Variants in MAX observed in about 807,000 individuals in gnomAD.
The protein encoded by MAX is protein max.
MAX carries 3 observed loss-of-function variants against 22.3 expected under a neutral mutation model. The observed-to-expected ratio is 0.13, with a 90% CI of 0.06 to 0.35. The LOEUF (loss-of-function observed/expected upper bound fraction) is 0.35. Ranked by LOEUF, MAX falls within the 10% of genes least tolerant of loss-of-function variation. MAX has a pLI of 1.00. For missense variants in MAX, 119 were observed against 209.4 expected (o/e 0.57, Z 2.66); for synonymous variants, 72 against 77.7 (o/e 0.93, Z 0.39).
rs141922849 is a variant in MAX at position 65,033,750 on chromosome 14, G to A, written c.172-27466C>T. ...CGGGCGCCTGTAGTCCCAGCTACTCGGGAAGCTGAGGCAGGAGAATGGAGT... is the reference window on the plus strand; with the variant it reads ...CGGGCGCCTGTAGTCCCAGCTACTCAGGAAGCTGAGGCAGGAGAATGGAGT... On this transcript the variant is annotated intron_variant, in intron 3 of 3. Coordinates refer to the MAX transcript ENST00000341653. Among the ~76,000 whole-genome samples the A allele has an allele frequency of 2.5e-3, 378 of 152,168 alleles. 2 individuals are homozygous for A. The highest frequency in any genetic ancestry group is 0.01 in the Middle Eastern group (3 of 294).
chr14:65,083,623 T>C (rs1289257140), intron 3 of MAX: 1 of 614,192 alleles, frequency 1.6e-6, no homozygotes. Context: ...TTAACTCTAC[T>C]GAACACTTTT....
chr14:65,052,318 A>G (rs1198337514), intron 3 of MAX, among the ~76,000 whole-genome samples: 2 of 152,196 alleles, frequency 1.3e-5, no homozygotes, highest in Non-Finnish European at 2.9e-5. Context: ...CATAGAACCA[A>G]AAAGACTGGA....
chr14:65,086,109 T>C (rs1226263047), intron 3 of MAX, among the ~76,000 whole-genome samples: 15 of 152,170 alleles, frequency 9.9e-5, no homozygotes, highest in African/African-American at 3.6e-4. Flanking sequence ...CTGCCATCCA[T>C]GTAAAACGTG....
rs947664128 is a variant in MAX, at chr14:65,059,062, A to ACTCATGCTGGAGTACAGTG, written c.171+34627_171+34645dup. ...TTCAGAGACATGATCTCACTCTGTC[A>ACTCATGCTGGAGTACAGTG]CTCATGCTGGAGTACAGTGCTGTGA... On this transcript the variant is annotated intron_variant, in intron 3 of 3. Coordinates refer to the MAX transcript ENST00000341653. Among the ~76,000 whole-genome samples, 6 of 152,010 alleles carry ACTCATGCTGGAGTACAGTG rather than the reference A, an allele frequency of 3.9e-5. No homozygotes were observed. In the East Asian group the frequency reaches 7.7e-4, roughly 20 times the overall value.
At chr14:65,024,897 G>A (rs1285574534) in intron 3 of MAX, among the ~76,000 whole-genome samples, 1 of 152,010 alleles carries the variant, frequency 6.6e-6, no homozygotes, top group East Asian at 1.9e-4. Context: ...GGAATTACAG[G>A]CACAAGCCAC....
Position 65,076,289 on chromosome 14 carries a change from A to G in MAX, c.*187T>C. ...GAATACATTAAAAAATATACAGTGG[A>G]AATGGGGAAGGAGAACGAGAGCTGT... On this transcript the variant is annotated 3_prime_UTR_variant, in exon 5 of 5. Transcript: ENST00000358664. The surrounding 1 kb of genome is among the most constrained non-coding windows in gnomAD (Gnocchi z 6.6). 1 of 1,457,016 alleles carries G rather than the reference A, an allele frequency of 6.9e-7. No homozygotes were observed. The highest frequency in any genetic ancestry group is 9.0e-7 in the Non-Finnish European group (1 of 1,110,890). 90.3% of individuals were successfully genotyped at this position (1,457,016 alleles called of 1,614,324 possible).
chr14:65,043,688 G>A (rs1407988836), intron 3 of MAX, among the ~76,000 whole-genome samples: 1 of 151,324 alleles, frequency 6.6e-6, no homozygotes, highest in Non-Finnish European at 1.5e-5. Context: ...CGGGCGCGGT[G>A]GCGGGCGCCT....
chr14:65,055,021 G>C (rs1407215391), intron 3 of MAX, among the ~76,000 whole-genome samples: 1 of 152,254 alleles, frequency 6.6e-6, no homozygotes, highest in East Asian at 1.9e-4. Context: ...AGTCCCAGCA[G>C]GCTCGTGATA....
Position 65,054,476 on chromosome 14 carries a change from G to GA in MAX, c.171+39231dup, listed in dbSNP as rs1299323324. 5 of 1,192,288 alleles carry GA rather than the reference G, an allele frequency of 4.2e-6. No homozygotes were observed. The highest frequency in any genetic ancestry group is 5.9e-6 in the Non-Finnish European group (5 of 840,848). The allele number at this position is 1,192,288 out of a possible 1,614,324, so 73.9% of individuals were successfully genotyped here. A position where few individuals can be genotyped will look rare whatever the true frequency, so the allele number is the denominator to read the frequency against. On this transcript the variant is annotated intron_variant, in intron 3 of 3. Coordinates refer to the MAX transcript ENST00000341653. This position sits in a 1 kb window ranked among gnomAD's most constrained non-coding sequence, Gnocchi z 4.4. ...TCTAGCCACATGGAGGATGGGGGGGGACGTGTGATTGCACCAGTGGTCTCT... is the reference window on the plus strand; with the variant it reads ...TCTAGCCACATGGAGGATGGGGGGGGAACGTGTGATTGCACCAGTGGTCTCT...
At chr14:65,019,077 G>T (rs555889432) in intron 3 of MAX, among the ~76,000 whole-genome samples, 1 of 152,320 alleles carries the variant, frequency 6.6e-6, no homozygotes, top group African/African-American at 2.4e-5. Context: ...GGAGGCTGAG[G>T]CAGGAGACTC....
chr14:65,069,882 G>A lies in MAX; in HGVS notation c.171+23826C>T, dbSNP rs759770779. ...CAAAGTCTCCTACAGCCTTGCTGCA[G>A]TAGGTATTCGCTGTGGACATGACAT... On this transcript the variant is annotated intron_variant, in intron 3 of 3. Coordinates refer to the MAX transcript ENST00000341653. The surrounding 1 kb of genome is among the most constrained non-coding windows in gnomAD (Gnocchi z 4.6). Among the ~76,000 whole-genome samples the A allele has an allele frequency of 6.6e-5, 10 of 152,246 alleles. No individual in the cohort carries two copies. The highest frequency in any genetic ancestry group is 2.0e-4 in the Admixed American group (3 of 15,284).
In MAX at chr14:65,014,379, T is replaced by G. The variant is rs554804276; in HGVS notation, c.172-8095A>C. Among the ~76,000 whole-genome samples the G allele has an allele frequency of 1.3e-5, 2 of 152,268 alleles. No homozygotes were observed. The highest frequency in any genetic ancestry group is 3.9e-4 in the East Asian group (2 of 5,190). Reference sequence around the variant, plus strand: ...TCTCTTCCACGTGCTCCCTCAAAACTCTGTTTTCGTCCATTACAGCATTTC... The same window carrying G: ...TCTCTTCCACGTGCTCCCTCAAAACGCTGTTTTCGTCCATTACAGCATTTC... On this transcript the variant is annotated intron_variant, in intron 3 of 3. Coordinates refer to the MAX transcript ENST00000341653. The surrounding 1 kb of genome is among the most constrained non-coding windows in gnomAD (Gnocchi z 5.1).
At chr14:65,090,220 A>C (rs2063464552) in intron 3 of MAX, 2 of 152,178 alleles carry the variant, frequency 1.3e-5, no homozygotes, top group African/African-American at 4.8e-5. Flanking sequence ...GACAATGACA[A>C]GATACAAGTA....
Position 65,054,434 on chromosome 14 carries a change from G to A in MAX, c.171+39274C>T. ...CAGTGGGGCTTTAAATAACACTGCTGGGAAAACCATGCCTCCTCTAGCCAC... is the reference window on the plus strand; with the variant it reads ...CAGTGGGGCTTTAAATAACACTGCTAGGAAAACCATGCCTCCTCTAGCCAC... On this transcript the variant is annotated intron_variant, in intron 3 of 3. Transcript: ENST00000341653. This position sits in a 1 kb window ranked among gnomAD's most constrained non-coding sequence, Gnocchi z 4.4. 2.5e-6 allele frequency: 2 copies of A among 810,556 alleles called. No homozygotes were observed. The highest frequency in any genetic ancestry group is 3.9e-6 in the Non-Finnish European group (2 of 514,896). The allele number at this position is 810,556 out of a possible 1,614,324, so 50.2% of individuals were successfully genotyped here. A position where few individuals can be genotyped will look rare whatever the true frequency, so the allele number is the denominator to read the frequency against.
In MAX at chr14:65,007,470, G is replaced by A. The variant is rs374260517; in HGVS notation, c.172-1186C>T. Among the ~76,000 whole-genome samples the A allele has an allele frequency of 6.6e-6, 1 of 152,210 alleles. No individual in the cohort carries two copies. The highest frequency in any genetic ancestry group is 2.4e-5 in the African/African-American group (1 of 41,444). ...GGATGCCTGTGATGATGCTGAAGTAGGCATTTGCCTATTCAGTGTTCCAGG... is the reference window on the plus strand; with the variant it reads ...GGATGCCTGTGATGATGCTGAAGTAAGCATTTGCCTATTCAGTGTTCCAGG... On this transcript the variant is annotated intron_variant, in intron 3 of 3. Coordinates refer to the MAX transcript ENST00000341653. The surrounding 1 kb of genome is among the most constrained non-coding windows in gnomAD (Gnocchi z 4.9).
intron 3 of MAX, among the ~76,000 whole-genome samples, chr14:65,056,674 G>T (rs28648456): frequency 6.6e-6 from 1 of 151,872 alleles, no homozygotes; most frequent in Non-Finnish European, 1.5e-5. Flanking sequence ...CTTACTGATG[G>T]GTAACTTCAG....
At chr14:65,052,556 C>T (rs1231212627) in intron 3 of MAX, among the ~76,000 whole-genome samples, 2 of 152,156 alleles carry the variant, frequency 1.3e-5, no homozygotes, top group Non-Finnish European at 2.9e-5. Flanking sequence ...CTGTGTGGCC[C>T]ACAGAATTCT....
At position 65,076,822 on chromosome 14, in the gene MAX, C is replaced by A; in HGVS notation, c.296-159G>T. 1 of 769,596 alleles carries A rather than the reference C, an allele frequency of 1.3e-6. No individual in the cohort carries two copies. The allele number at this position is 769,596 out of a possible 1,614,324, so 47.7% of individuals were successfully genotyped here. On this transcript the variant is annotated intron_variant, in intron 4 of 4. Coordinates refer to ENST00000358664, the MANE Select transcript of MAX (RefSeq NM_002382.5). The surrounding 1 kb of genome is among the most constrained non-coding windows in gnomAD (Gnocchi z 6.6). ...AGCTCCCTTCGGGTGGCTGTTCACT[C>A]ACACACTTCATTTCCCTCCCGCCTT... is the stretch of plus-strand genomic sequence containing the variant.
chr14:65,040,937 C>A, intron 3 of MAX: 1 of 1,611,336 alleles, frequency 6.2e-7, no homozygotes, highest in South Asian at 1.1e-5. Context: ...TCTTTTGAGC[C>A]ATCCCCCTCT....
Sources: allele counts gnomAD v4.1 joint callset (sites outside exome capture counted in the v4.1 genomes callset), GRCh38; gene constraint gnomAD v4.1.1; non-coding constraint Gnocchi (gnomAD v3.1); transcripts MANE v1.5; gene names NCBI Gene and HGNC (gene_info 2026-07-23, HGNC 2026-07-21).